Variants in CABCOCO1 observed in about 807,000 individuals in gnomAD.
The protein encoded by CABCOCO1 is ciliary-associated calcium-binding coiled-coil protein 1.
In CABCOCO1, 28 loss-of-function variants were observed where a neutral mutation model predicts 35.7. The observed-to-expected ratio is 0.78, with a 90% CI of 0.58 to 1.07. The LOEUF is 1.07. Among genes scored for constraint, CABCOCO1 ranks in the 50% least tolerant of loss-of-function variants. CABCOCO1 has a pLI of 0.00. For missense variants in CABCOCO1, 326 were observed against 309.2 expected (o/e 1.05, Z -0.41); for synonymous variants, 95 against 100.1 (o/e 0.95, Z 0.30).
intron 7 of CABCOCO1, among the ~76,000 whole-genome samples, chr10:61,761,477 T>C (rs552378116): frequency 1.3e-5 from 2 of 152,166 alleles, no homozygotes; most frequent in African/African-American, 2.4e-5. Flanking sequence ...AATAATTACA[T>C]GAACATGGTG....
intron 5 of CABCOCO1, among the ~76,000 whole-genome samples, chr10:61,704,062 C>CAA (rs61338848): frequency 5.5e-5 from 8 of 144,150 alleles, no homozygotes; most frequent in East Asian, 2.0e-4. Context: ...ATTAAAAATA[C>CAA]AAAAAAAAAA....
rs906515217 is a variant in CABCOCO1, at chr10:61,766,236, A to G, written c.*223A>G. On this transcript the variant is annotated 3_prime_UTR_variant, in exon 8 of 8. Coordinates refer to ENST00000648843, the MANE Select transcript of CABCOCO1 (RefSeq NM_001366906.2). ...TTATTGCACCAAGTGTAATGAGAAC[A>G]TTTTGTATACAAGAGTTTGAAAAAT... 3.7e-5 allele frequency: 14 copies of G among 376,950 alleles called. No individual in the cohort carries two copies. Among genetic ancestry groups the G allele is most frequent in the Non-Finnish European group, 6.3e-5 (13 of 207,420 alleles). The allele number at this position is 376,950 out of a possible 1,614,324, so 23.4% of individuals were successfully genotyped here.
At chr10:61,705,071 T>G (rs1840561655) in intron 5 of CABCOCO1, among the ~76,000 whole-genome samples, 1 of 152,210 alleles carries the variant, frequency 6.6e-6, no homozygotes, top group Non-Finnish European at 1.5e-5. Flanking sequence ...GAAAAATATT[T>G]TCTTAACAAT....
chr10:61,689,357 T>A (rs912770017), intron 4 of CABCOCO1, among the ~76,000 whole-genome samples: 1 of 152,192 alleles, frequency 6.6e-6, no homozygotes, highest in Non-Finnish European at 1.5e-5. Context: ...CAAATCAAAG[T>A]ACTGTCAAAA....
intron 3 of CABCOCO1, among the ~76,000 whole-genome samples, chr10:61,684,175 C>G (rs975472407): frequency 6.6e-6 from 1 of 152,098 alleles, no homozygotes; most frequent in African/African-American, 2.4e-5. Context: ...ACCTAGTTAT[C>G]CAGAAATAAT....
At chr10:61,669,626 G>T (rs1013741431) in intron 1 of CABCOCO1, among the ~76,000 whole-genome samples, 1 of 151,968 alleles carries the variant, frequency 6.6e-6, no homozygotes, top group Non-Finnish European at 1.5e-5. Flanking sequence ...TAAAACAGAA[G>T]AAAAAATCCA....
intron 5 of CABCOCO1, among the ~76,000 whole-genome samples, chr10:61,708,285 T>C (rs2132025580): frequency 6.6e-6 from 1 of 151,836 alleles, no homozygotes; most frequent in Middle Eastern, 3.4e-3. Flanking sequence ...TACCTTTCTT[T>C]CCTTCCCTCT....
intron 7 of CABCOCO1, 73 bp downstream of exon 7, chr10:61,761,076 A>G (rs557212740): frequency 1.3e-6 from 2 of 1,495,810 alleles, no homozygotes; most frequent in East Asian, 2.3e-5. Flanking sequence ...TAATGTCTAT[A>G]AACACTCCCC....
In CABCOCO1 at chr10:61,751,538, G is replaced by A. The variant is rs143440154; in HGVS notation, c.553-8521G>A. ...GATAAAGGAATTGGAGGAGGAGCAG[G>A]TTTGGGGAAGGTAATTAAGGAAAAA... On this transcript the variant is annotated intron_variant, in intron 5 of 7. Coordinates refer to ENST00000648843, the MANE Select transcript of CABCOCO1 (RefSeq NM_001366906.2). Among the ~76,000 whole-genome samples the A allele has an allele frequency of 1.2e-4, 18 of 152,256 alleles. No homozygotes were observed. In the East Asian group the frequency reaches 3.1e-3, roughly 26 times the overall value.
intron 4 of CABCOCO1, among the ~76,000 whole-genome samples, chr10:61,686,519 T>A (rs1202044841): frequency 1.3e-5 from 2 of 152,188 alleles, no homozygotes; most frequent in African/African-American, 4.8e-5. Flanking sequence ...ATTAATAGGA[T>A]GATTCACATT....
chr10:61,711,480 A>G (rs1448573006), intron 5 of CABCOCO1, among the ~76,000 whole-genome samples: 1 of 151,992 alleles, frequency 6.6e-6, no homozygotes, highest in Admixed American at 6.6e-5. Flanking sequence ...GATTGAAAAT[A>G]TATGAAGCAA....
chr10:61,730,439 A>G (rs1425872399), intron 5 of CABCOCO1, among the ~76,000 whole-genome samples: 1 of 152,128 alleles, frequency 6.6e-6, no homozygotes, highest in Non-Finnish European at 1.5e-5. Flanking sequence ...AAAAAAATAG[A>G]CATATGAAGA....
At chr10:61,716,254 G>C (rs1024991378) in intron 5 of CABCOCO1, among the ~76,000 whole-genome samples, 5 of 152,054 alleles carry the variant, frequency 3.3e-5, no homozygotes, top group African/African-American at 1.2e-4. Flanking sequence ...AACACACAAA[G>C]TAAATTTTAG....
At chr10:61,704,139 G>A (rs1047715933) in intron 5 of CABCOCO1, among the ~76,000 whole-genome samples, 10 of 152,082 alleles carry the variant, frequency 6.6e-5, no homozygotes, top group Admixed American at 3.3e-4. Context: ...CAGGAGAATC[G>A]CTTGAACCTG....
chr10:61,744,998 T>C (rs1050388527), intron 5 of CABCOCO1, among the ~76,000 whole-genome samples: 5 of 152,196 alleles, frequency 3.3e-5, no homozygotes, highest in African/African-American at 1.2e-4. Context: ...GATAGCAGCA[T>C]TTCAGTGCTA....
chr10:61,720,917 CTTTTTTTTTTTTT>C (rs71018996), intron 5 of CABCOCO1, among the ~76,000 whole-genome samples: 2 of 65,974 alleles, frequency 3.0e-5, no homozygotes, highest in East Asian at 3.9e-4. Flanking sequence ...TCTTTTCATT[CTTTTTTTTTTTTT>C]TTTTTTTTTT....
chr10:61,703,765 C>G (rs936962138), intron 5 of CABCOCO1, among the ~76,000 whole-genome samples: 1 of 151,994 alleles, frequency 6.6e-6, no homozygotes, highest in Non-Finnish European at 1.5e-5. Context: ...ACTCCTGCTG[C>G]CCCCTACACA....
At chr10:61,726,428 T>C (rs1280154816) in intron 5 of CABCOCO1, among the ~76,000 whole-genome samples, 1 of 152,050 alleles carries the variant, frequency 6.6e-6, no homozygotes, top group Admixed American at 6.5e-5. Context: ...TGTCACAATA[T>C]AAAAATGTGG....
At chr10:61,676,222 G>A (rs1265932453) in intron 2 of CABCOCO1, among the ~76,000 whole-genome samples, 1 of 152,148 alleles carries the variant, frequency 6.6e-6, no homozygotes, top group East Asian at 1.9e-4. Flanking sequence ...AGAAAATACA[G>A]TATTCATGTG....
Sources: allele counts gnomAD v4.1 joint callset (sites outside exome capture counted in the v4.1 genomes callset), GRCh38; gene constraint gnomAD v4.1.1; transcripts MANE v1.5; gene names NCBI Gene and HGNC (gene_info 2026-07-23, HGNC 2026-07-21).